PRKG1: variants seen among roughly 807,000 people sequenced by gnomAD.
PRKG1 encodes protein kinase cGMP-dependent 1, also known as cGMP-dependent protein kinase 1.
PRKG1 carries 35 observed loss-of-function variants against 88.1 expected under a neutral mutation model. The observed-to-expected ratio is 0.40, with a 90% CI of 0.30 to 0.53. The LOEUF is 0.53. Ranked by LOEUF, PRKG1 falls within the 20% of genes least tolerant of loss-of-function variation. The pLI is 0.59. For synonymous variants in PRKG1, 303 were observed against 292.5 expected (o/e 1.04, Z -0.37); for missense variants, 540 against 839.8 (o/e 0.64, Z 4.41).
At chr10:51,658,632 C>G (rs1589167555) in intron 3 of PRKG1, among the ~76,000 whole-genome samples, 1 of 152,044 alleles carries the variant, frequency 6.6e-6, no homozygotes, top group Non-Finnish European at 1.5e-5. Flanking sequence ...TAACTCGTAG[C>G]AAGAGATGAA....
At chr10:51,326,370 A>G (rs953670260) in intron 2 of PRKG1, among the ~76,000 whole-genome samples, 8 of 152,204 alleles carry the variant, frequency 5.3e-5, no homozygotes, top group Admixed American at 2.0e-4. Flanking sequence ...ATGGGTCTGG[A>G]TATAAGGTCT....
At chr10:51,072,535 T>C (rs1390305083), upstream of PRKG1, among the ~76,000 whole-genome samples, 1 of 152,126 alleles carries the variant, frequency 6.6e-6, no homozygotes, top group East Asian at 1.9e-4. Context: ...ACAACAGTAA[T>C]TCAGAGCTAT....
chr10:51,296,436 A>G (rs1840722103), intron 2 of PRKG1, among the ~76,000 whole-genome samples: 2 of 152,026 alleles, frequency 1.3e-5, no homozygotes, highest in African/African-American at 4.8e-5. Flanking sequence ...AAATTTATTT[A>G]TTTCCTTTAG....
chr10:51,954,956 T>C (rs1843269471), intron 5 of PRKG1, among the ~76,000 whole-genome samples: 2 of 152,170 alleles, frequency 1.3e-5, no homozygotes, highest in African/African-American at 4.8e-5. Flanking sequence ...CTTTCTACCT[T>C]ACCATGTTTC....
chr10:51,881,206 C>G (rs780066538), intron 4 of PRKG1, among the ~76,000 whole-genome samples: 1 of 152,002 alleles, frequency 6.6e-6, no homozygotes, highest in African/African-American at 2.4e-5. Context: ...TTAGAGACAT[C>G]AACGGGAAGA....
intron 5 of PRKG1, among the ~76,000 whole-genome samples, chr10:52,042,021 T>C (rs1564444095): frequency 6.6e-6 from 1 of 152,124 alleles, no homozygotes; most frequent in African/African-American, 2.4e-5. Context: ...GCAAGATCTC[T>C]ACACTAAAAA....
intron 3 of PRKG1, among the ~76,000 whole-genome samples, chr10:51,711,846 T>C (rs1171173073): frequency 6.6e-6 from 1 of 152,214 alleles, no homozygotes; most frequent in Non-Finnish European, 1.5e-5. Flanking sequence ...AGATCCAGAA[T>C]GGCAAAGACT....
intron 3 of PRKG1, among the ~76,000 whole-genome samples, chr10:51,687,790 T>G (rs1841031292): frequency 6.6e-6 from 1 of 152,172 alleles, no homozygotes; most frequent in South Asian, 2.1e-4. Flanking sequence ...TCAATACAAC[T>G]TCTTCTCCAT....
At chr10:51,082,572 G>T (rs566771124) in intron 1 of PRKG1, among the ~76,000 whole-genome samples, 1 of 152,268 alleles carries the variant, frequency 6.6e-6, no homozygotes, top group African/African-American at 2.4e-5. Context: ...CTAATAGGAA[G>T]ATGACAAGAG....
chr10:51,927,890 A>C (rs1290598851), intron 5 of PRKG1, among the ~76,000 whole-genome samples: 2 of 152,176 alleles, frequency 1.3e-5, no homozygotes, highest in Non-Finnish European at 2.9e-5. Context: ...AAGTTTTTGA[A>C]GCTGATTTTG....
chr10:51,497,426 C>A (rs1344788750), intron 3 of PRKG1, among the ~76,000 whole-genome samples: 1 of 152,058 alleles, frequency 6.6e-6, no homozygotes, highest in Non-Finnish European at 1.5e-5. Flanking sequence ...GGCCCTTCTG[C>A]AGCTTGTAGT....
chr10:51,520,542 A>G (rs1405051874), intron 3 of PRKG1, among the ~76,000 whole-genome samples: 1 of 152,118 alleles, frequency 6.6e-6, no homozygotes, highest in Non-Finnish European at 1.5e-5. Flanking sequence ...AGTGCCTGAC[A>G]CAAAAATGCA....
At chr10:51,428,095 C>T (rs551562553) in intron 2 of PRKG1, among the ~76,000 whole-genome samples, 7 of 152,246 alleles carry the variant, frequency 4.6e-5, no homozygotes, top group East Asian at 1.9e-4. Flanking sequence ...GAGAGGATGA[C>T]GTCTAGAATT....
At chr10:51,497,895 G>T (rs1840907222) in intron 3 of PRKG1, among the ~76,000 whole-genome samples, 1 of 152,064 alleles carries the variant, frequency 6.6e-6, no homozygotes, top group Non-Finnish European at 1.5e-5. Flanking sequence ...TCTAGGCATG[G>T]TTCCATCTGG....
At chr10:51,290,135 G>C (rs1343008190) in intron 2 of PRKG1, among the ~76,000 whole-genome samples, 1 of 152,136 alleles carries the variant, frequency 6.6e-6, no homozygotes, top group Non-Finnish European at 1.5e-5. Flanking sequence ...TTGGACACAG[G>C]AGGCTGAGAT....
At chr10:51,614,829 T>C (rs1290824871) in intron 3 of PRKG1, among the ~76,000 whole-genome samples, 1 of 152,098 alleles carries the variant, frequency 6.6e-6, no homozygotes, top group Non-Finnish European at 1.5e-5. Flanking sequence ...GTTTTGCTTG[T>C]CTGGGAAATG....
intron 4 of PRKG1, among the ~76,000 whole-genome samples, chr10:51,863,108 G>A (rs1840927912): frequency 1.5e-5 from 2 of 136,778 alleles, no homozygotes; most frequent in South Asian, 2.4e-4. Flanking sequence ...ATTCCTTGCT[G>A]TGCCCATATA....
chr10:51,967,721 A>G (rs1467372004), intron 5 of PRKG1, among the ~76,000 whole-genome samples: 1 of 152,082 alleles, frequency 6.6e-6, no homozygotes, highest in East Asian at 1.9e-4. Context: ...CCTAGTTGGA[A>G]TCCCGCCGTT....
intron 2 of PRKG1, among the ~76,000 whole-genome samples, chr10:51,284,296 A>T (rs1840377460): frequency 6.6e-6 from 1 of 152,204 alleles, no homozygotes; most frequent in South Asian, 2.1e-4. Context: ...ATCTACAGGG[A>T]TGAGTCCTCC....
Sources: gnomAD v4.1 joint callset for allele counts (sites outside exome capture counted in the v4.1 genomes callset) on GRCh38, gnomAD v4.1.1 for gene constraint, MANE v1.5 for transcripts, NCBI Gene and HGNC (gene_info 2026-07-23, HGNC 2026-07-21) for gene names.